The following LONRF2 variants were observed in gnomAD, a reference collection of about 807,000 sequenced individuals.
The protein encoded by LONRF2 is LON peptidase N-terminal domain and ring finger 2.
In LONRF2, 35 loss-of-function variants were observed where a neutral mutation model predicts 66.6. That is an observed-to-expected ratio of 0.53 (90% CI 0.40 to 0.70). The LOEUF (loss-of-function observed/expected upper bound fraction) is 0.70. Among genes scored for constraint, LONRF2 ranks in the 30% least tolerant of loss-of-function variants. LONRF2 has a pLI of 0.00. For missense variants in LONRF2, 902 were observed against 1,002.1 expected (o/e 0.90, Z 1.35); for synonymous variants, 417 against 418.1 (o/e 1.00, Z 0.03).
intron 1 of LONRF2, among the ~76,000 whole-genome samples, chr2:100,316,561 T>A (rs1363693428): frequency 6.6e-6 from 1 of 152,174 alleles, no homozygotes; most frequent in Non-Finnish European, 1.5e-5. Context: ...TTCAATCTTT[T>A]AATATTTATT....
In LONRF2 at chr2:100,279,438, C is replaced by G. The variant is rs1487893658; in HGVS notation, c.*4860G>C. ...TCTCCACGTGTCTTCCTCCTTTCTA[C>G]TCTCAGAATAAAATGTTTTCTATGC... On this transcript the variant is annotated 3_prime_UTR_variant, in exon 12 of 12. Transcript: ENST00000393437. 1 of 152,090 alleles carries G rather than the reference C, an allele frequency of 6.6e-6. No individual in the cohort carries two copies. The highest frequency in any genetic ancestry group is 1.5e-5 in the Non-Finnish European group (1 of 68,032). The allele number at this position is 152,090 out of a possible 1,614,324, so 9.4% of individuals were successfully genotyped here.
intron 7 of LONRF2, among the ~76,000 whole-genome samples, chr2:100,296,274 T>C (rs1675065106): frequency 6.6e-6 from 1 of 152,186 alleles, no homozygotes; most frequent in African/African-American, 2.4e-5. Context: ...GCATGTATAC[T>C]AGCATATAGT....
chr2:100,299,367 G>T, intron 5 of LONRF2, 48 bp from the exon 6 acceptor site: 1 of 1,105,826 alleles, frequency 9.0e-7, no homozygotes, highest in Non-Finnish European at 1.3e-6. Context: ...CTAAGCACCT[G>T]AACAACAGCA....
intron 3 of LONRF2, among the ~76,000 whole-genome samples, chr2:100,301,423 T>C (rs1018890423): frequency 1.3e-5 from 2 of 152,192 alleles, no homozygotes; most frequent in Non-Finnish European, 2.9e-5. Context: ...AAGGAGTGAC[T>C]GAAACCTAAA....
intron 1 of LONRF2, among the ~76,000 whole-genome samples, chr2:100,319,110 G>C (rs1488883876): frequency 7.6e-6 from 1 of 131,532 alleles, no homozygotes; most frequent in Admixed American, 8.0e-5. Flanking sequence ...GACAGAGCAA[G>C]ACTCCGTCTT....
chr2:100,285,612 T>C (rs1240461372), intron 11 of LONRF2, among the ~76,000 whole-genome samples: 1 of 152,122 alleles, frequency 6.6e-6, no homozygotes, highest in Non-Finnish European at 1.5e-5. Flanking sequence ...AATGTGTTCA[T>C]ATAGGGTCCT....
chr2:100,321,427 C>A lies in LONRF2; in HGVS notation c.667G>T (p.Ala223Ser). 1.4e-6 allele frequency: 2 copies of A among 1,480,862 alleles called. No homozygotes were observed. The highest frequency in any genetic ancestry group is 1.8e-6 in the Non-Finnish European group (2 of 1,126,008). 91.7% of individuals were successfully genotyped at this position (1,480,862 alleles called of 1,614,324 possible). The change falls in exon 1 of 12, where the codon GCC becomes TCC. Residue 223 changes from alanine (A) to serine (S), a missense_variant. Coordinates refer to ENST00000393437, the MANE Select transcript of LONRF2 (RefSeq NM_198461.4). ...PEAALLRCDQ[A>S]LELAPDDNSL... ...GCAGCCGACTCACCCAGCTCCAGGG[C>A]CTGGTCGCACCTGAGCAGCGCGGCC...
intron 1 of LONRF2, among the ~76,000 whole-genome samples, chr2:100,313,750 C>T (rs1675452261): frequency 1.3e-5 from 2 of 152,080 alleles, no homozygotes; most frequent in Non-Finnish European, 2.9e-5. Flanking sequence ...CTCAGTGTGC[C>T]CCTCCTAAAG....
rs1559177239 is a variant in LONRF2 at position 100,295,573 on chromosome 2, A to T, written c.1477-20T>A. 8 of 1,609,728 alleles carry T rather than the reference A, an allele frequency of 5.0e-6. No individual in the cohort carries two copies. Among genetic ancestry groups the T allele is most frequent in the Non-Finnish European group, 4.2e-6 (5 of 1,178,492 alleles). The stretch of plus-strand genomic sequence containing the variant: ...CAATAACTGTAACAAAAAAAAGTCA[A>T]ATGATACTGTATGGTAATTGATTCT... On this transcript the variant is annotated intron_variant, in intron 7 of 11. Transcript: ENST00000393437.
chr2:100,284,797 A>G lies in LONRF2; in HGVS notation c.2071-305T>C, dbSNP rs1674812047. On this transcript the variant is annotated intron_variant, in intron 11 of 11. Coordinates refer to ENST00000393437, the MANE Select transcript of LONRF2 (RefSeq NM_198461.4). The stretch of plus-strand genomic sequence containing the variant: ...GTTAAGAGTATATACCAGTCAGAGG[A>G]GAATACTATCACTTTAACCTTCACT... Among the ~76,000 whole-genome samples the G allele has an allele frequency of 2.6e-5, 4 of 152,324 alleles. No homozygotes were observed. The South Asian group carries it at 8.3e-4, about 32-fold the overall frequency.
At chr2:100,301,077 A>G (rs1209973863) in intron 3 of LONRF2, among the ~76,000 whole-genome samples, 1 of 152,174 alleles carries the variant, frequency 6.6e-6, no homozygotes, top group African/African-American at 2.4e-5. Flanking sequence ...ATCTCCCCTA[A>G]AAGCCACACA....
chr2:100,290,745 T>C (rs1293660887), intron 9 of LONRF2, among the ~76,000 whole-genome samples: 1 of 152,164 alleles, frequency 6.6e-6, no homozygotes. Context: ...CTCAGCCACC[T>C]TGGCGGGGCA....
At position 100,273,240 on chromosome 2, in the gene LONRF2, A is replaced by C. The variant is rs1175388537; in HGVS notation, c.*11058T>G. 6.6e-6 allele frequency: 1 copy of C among 152,230 alleles called. No individual in the cohort carries two copies. The highest frequency in any genetic ancestry group is 1.5e-5 in the Non-Finnish European group (1 of 68,032). 9.4% of individuals were successfully genotyped at this position (152,230 alleles called of 1,614,324 possible). A position where few individuals can be genotyped will look rare whatever the true frequency, so the allele number is the denominator to read the frequency against. The stretch of plus-strand genomic sequence containing the variant: ...GGAGTTTTCCTGGGGCCTTCAGAGA[A>C]AGCCCGGCCCTACTGGCACCTTGGC... On this transcript the variant is annotated 3_prime_UTR_variant, in exon 12 of 12. Transcript: ENST00000393437.
intron 1 of LONRF2, among the ~76,000 whole-genome samples, chr2:100,312,534 T>A (rs900730102): frequency 6.6e-6 from 1 of 152,210 alleles, no homozygotes; most frequent in African/African-American, 2.4e-5. Flanking sequence ...TCATTTACAT[T>A]TATTTTTAAT....
At chr2:100,305,654 T>C (rs1389406213) in intron 2 of LONRF2, among the ~76,000 whole-genome samples, 2 of 152,198 alleles carry the variant, frequency 1.3e-5, no homozygotes, top group Non-Finnish European at 2.9e-5. Context: ...TCAAAAGACA[T>C]GATGAGTACT....
intron 2 of LONRF2, among the ~76,000 whole-genome samples, chr2:100,305,957 C>G (rs938850695): frequency 6.6e-6 from 1 of 152,098 alleles, no homozygotes; most frequent in Non-Finnish European, 1.5e-5. Context: ...GGTGCCATCT[C>G]GGCTCACTGC....
At position 100,321,816 on chromosome 2, in the gene LONRF2, T is replaced by C; in HGVS notation, c.278A>G (p.Glu93Gly). The C allele has an allele frequency of 9.1e-7, 1 of 1,096,790 alleles. No homozygotes were observed. The highest frequency in any genetic ancestry group is 1.1e-6 in the Non-Finnish European group (1 of 902,786). The allele number at this position is 1,096,790 out of a possible 1,614,324, so 67.9% of individuals were successfully genotyped here. ...GAARLGALRPEELEELAGGLV... is the reference protein window; with the variant it reads ...GAARLGALRPGELEELAGGLV... ...GCCGCCCGCCAGCTCTTCCAGCTCCTCCGGCCGCAGCGCCCCGAGCCGCGC... is the reference window on the plus strand; with the variant it reads ...GCCGCCCGCCAGCTCTTCCAGCTCCCCCGGCCGCAGCGCCCCGAGCCGCGC... Residue 93 changes from glutamate (E) to glycine (G), a missense_variant, in exon 1 of 12, where the codon GAG (glutamate) becomes GGG (glycine). Coordinates refer to ENST00000393437, the MANE Select transcript of LONRF2 (RefSeq NM_198461.4).
At position 100,276,770 on chromosome 2, in the gene LONRF2, C is replaced by G. The variant is rs1674609327; in HGVS notation, c.*7528G>C. 6.6e-6 allele frequency: 1 copy of G among 152,218 alleles called. No homozygotes were observed. The highest frequency in any genetic ancestry group is 1.5e-5 in the Non-Finnish European group (1 of 68,046). The allele number at this position is 152,218 out of a possible 1,614,324, so 9.4% of individuals were successfully genotyped here. ...ATAAATAACTGGCCAATATTTTGCTCTTACAGATTTGGCTAACATGTCCCA... is the reference window on the plus strand; with the variant it reads ...ATAAATAACTGGCCAATATTTTGCTGTTACAGATTTGGCTAACATGTCCCA... On this transcript the variant is annotated 3_prime_UTR_variant, in exon 12 of 12. Transcript: ENST00000393437.
At position 100,322,180 on chromosome 2, in the gene LONRF2, G is replaced by T; in HGVS notation, c.-87C>A. Reference sequence around the variant, plus strand: ...CTGCTGGGAACTGGCCGGCGGGAGCGCGGTCTCAGCCCTCGCCAGCAGCCA... The same window carrying T: ...CTGCTGGGAACTGGCCGGCGGGAGCTCGGTCTCAGCCCTCGCCAGCAGCCA... On this transcript the variant is annotated 5_prime_UTR_variant, in exon 1 of 12. Transcript: ENST00000393437. The T allele has an allele frequency of 1.7e-6, 2 of 1,183,448 alleles. No homozygotes were observed. Among genetic ancestry groups the T allele is most frequent in the Non-Finnish European group, 1.1e-6 (1 of 950,312 alleles). 73.3% of individuals were successfully genotyped at this position (1,183,448 alleles called of 1,614,324 possible).
Sources: allele counts gnomAD v4.1 joint callset (sites outside exome capture counted in the v4.1 genomes callset), GRCh38; gene constraint gnomAD v4.1.1; transcripts MANE v1.5; gene names NCBI Gene and HGNC (gene_info 2026-07-23, HGNC 2026-07-21).